Variants in EIPR1 observed in about 807,000 individuals in gnomAD.
The protein encoded by EIPR1 is EARP complex and GARP complex interacting protein 1.
In EIPR1, 25 loss-of-function variants were observed where a neutral mutation model predicts 48.1. That is an observed-to-expected ratio of 0.52 (90% confidence interval 0.38 to 0.73). The LOEUF (loss-of-function observed/expected upper bound fraction) is 0.73. Ranked by LOEUF, EIPR1 falls within the 30% of genes least tolerant of loss-of-function variation. EIPR1 has a pLI of 0.00. For missense variants in EIPR1, 415 were observed against 506.2 expected (o/e 0.82, Z 1.73); for synonymous variants, 204 against 201.9 (o/e 1.01, Z -0.09).
chr2:3,346,015 G>A (rs1670389819), intron 2 of EIPR1, among the ~76,000 whole-genome samples: 1 of 152,184 alleles, frequency 6.6e-6, no homozygotes, highest in South Asian at 2.1e-4. Context: ...ACAGATGACT[G>A]GGGAAACCCT....
At chr2:3,338,388 C>T (rs1670131381) in intron 2 of EIPR1, among the ~76,000 whole-genome samples, 1 of 152,188 alleles carries the variant, frequency 6.6e-6, no homozygotes. Flanking sequence ...CGTAAGACTG[C>T]CATCCGGTCA....
At chr2:3,294,984 TACAC>T (rs143221197) in intron 3 of EIPR1, among the ~76,000 whole-genome samples, 5 of 67,436 alleles carry the variant, frequency 7.4e-5, no homozygotes, top group South Asian at 7.4e-4. Context: ...CCATCCTCTC[TACAC>T]ACACACACAC....
At chr2:3,296,458 C>CCA (rs1491173088) in intron 3 of EIPR1, among the ~76,000 whole-genome samples, 11 of 113,464 alleles carry the variant, frequency 9.7e-5, no homozygotes, top group Admixed American at 1.8e-4. Flanking sequence ...CATCCTCTCT[C>CCA]CACACACACA....
At chr2:3,341,533 G>A (rs576945300) in intron 2 of EIPR1, among the ~76,000 whole-genome samples, 1 of 152,142 alleles carries the variant, frequency 6.6e-6, no homozygotes, top group Non-Finnish European at 1.5e-5. Flanking sequence ...TGGGTGTGGG[G>A]GAGGTGCAGC....
At chr2:3,354,088 C>T (rs1670659461) in intron 2 of EIPR1, among the ~76,000 whole-genome samples, 1 of 152,212 alleles carries the variant, frequency 6.6e-6, no homozygotes, top group African/African-American at 2.4e-5. Context: ...GTGACCAGAA[C>T]ACCAAAGGGT....
intron 2 of EIPR1, among the ~76,000 whole-genome samples, chr2:3,348,145 C>A (rs1311020937): frequency 6.6e-6 from 1 of 152,142 alleles, no homozygotes; most frequent in Non-Finnish European, 1.5e-5. Flanking sequence ...AAAACAGATG[C>A]AGAACCAGAT....
chr2:3,291,516 A>G (rs1668364418), intron 3 of EIPR1, among the ~76,000 whole-genome samples: 1 of 152,250 alleles, frequency 6.6e-6, no homozygotes, highest in African/African-American at 2.4e-5. Flanking sequence ...TCAAAATTAT[A>G]TCATAAAAAC....
intron 1 of EIPR1, among the ~76,000 whole-genome samples, chr2:3,367,798 C>T (rs1671011746): frequency 6.6e-6 from 1 of 152,148 alleles, no homozygotes; most frequent in Admixed American, 6.5e-5. Flanking sequence ...CCTGTAATCC[C>T]AGCACTTTGG....
chr2:3,293,479 G>A (rs1668433534), intron 3 of EIPR1, among the ~76,000 whole-genome samples: 1 of 152,210 alleles, frequency 6.6e-6, no homozygotes, highest in Non-Finnish European at 1.5e-5. Context: ...GACTGCTCAG[G>A]AGGGTCCTGG....
At chr2:3,229,176 T>C (rs1032669589) in intron 4 of EIPR1, among the ~76,000 whole-genome samples, 1 of 152,216 alleles carries the variant, frequency 6.6e-6, no homozygotes, top group African/African-American at 2.4e-5. Context: ...ATTTGTAAAA[T>C]CAACCAGAAA....
chr2:3,292,206 G>A (rs1248299064), intron 3 of EIPR1, among the ~76,000 whole-genome samples: 1 of 152,252 alleles, frequency 6.6e-6, no homozygotes, highest in African/African-American at 2.4e-5. Context: ...TAAGTCCTCA[G>A]GTGACTGCGC....
At chr2:3,316,590 G>A (rs536873542) in intron 3 of EIPR1, among the ~76,000 whole-genome samples, 45 of 152,310 alleles carry the variant, frequency 3.0e-4, no homozygotes, top group African/African-American at 7.9e-4. Context: ...ACACTCACAC[G>A]TTCTATGAGA....
At chr2:3,210,629 T>TCC (rs1665414896) in intron 5 of EIPR1, among the ~76,000 whole-genome samples, 1 of 6,100 alleles carries the variant, frequency 1.6e-4, no homozygotes, top group Non-Finnish European at 7.1e-4. Context: ...TCCCAATTCT[T>TCC]TTTTTTTTTT....
chr2:3,302,718 A>G (rs1399622391), intron 3 of EIPR1, among the ~76,000 whole-genome samples: 1 of 152,156 alleles, frequency 6.6e-6, no homozygotes, highest in African/African-American at 2.4e-5. Context: ...AACCCCCGCC[A>G]CCTTGTCACT....
chr2:3,220,306 G>C (rs982274529), intron 4 of EIPR1, among the ~76,000 whole-genome samples: 4 of 151,910 alleles, frequency 2.6e-5, no homozygotes. Flanking sequence ...GTATACACTA[G>C]AGCATTCACA....
chr2:3,235,448 G>GCGCA (rs1553285019), intron 4 of EIPR1, among the ~76,000 whole-genome samples: 1 of 26,842 alleles, frequency 3.7e-5, no homozygotes, highest in South Asian at 1.5e-3. Context: ...ACGCGTGCGC[G>GCGCA]CACACACACA....
Position 3,286,156 on chromosome 2 carries a change from C to T in EIPR1, c.260-28701G>A, listed in dbSNP as rs1668178492. ...CCCAGGCACATGGAGCAGACACAAG[C>T]CACACCTGCTATCCCTGCCTGATTC... On this transcript the variant is annotated intron_variant, in intron 3 of 8. Transcript: ENST00000382125. This position sits in a 1 kb window ranked among gnomAD's most constrained non-coding sequence, Gnocchi z 4.2. 6.6e-6 allele frequency among the ~76,000 whole-genome samples: 1 copy of T among 152,210 alleles called. No homozygotes were observed. Among genetic ancestry groups the T allele is most frequent in the African/African-American group, 2.4e-5 (1 of 41,448 alleles).
chr2:3,298,656 C>G (rs1007853827), intron 3 of EIPR1, among the ~76,000 whole-genome samples: 4 of 152,032 alleles, frequency 2.6e-5, no homozygotes, highest in African/African-American at 9.7e-5. Context: ...TCTTGATCTC[C>G]TATACCAAGA....
At chr2:3,264,013 T>A (rs1034567627) in intron 3 of EIPR1, among the ~76,000 whole-genome samples, 2 of 152,232 alleles carry the variant, frequency 1.3e-5, no homozygotes, top group African/African-American at 4.8e-5. Context: ...AAGTATATGA[T>A]ACATTGCTAA....
Sources: allele counts gnomAD v4.1 joint callset (sites outside exome capture counted in the v4.1 genomes callset), GRCh38; gene constraint gnomAD v4.1.1; non-coding constraint Gnocchi (gnomAD v3.1); transcripts MANE v1.5; gene names NCBI Gene and HGNC (gene_info 2026-07-23, HGNC 2026-07-21).